The following IGSF11 variants were observed in gnomAD, a reference collection of about 807,000 sequenced individuals.
The protein encoded by IGSF11 is immunoglobulin superfamily member 11, also known as CXADR like 1.
In IGSF11, 22 loss-of-function variants were observed where a neutral mutation model predicts 41.0. The ratio of observed to expected loss-of-function variants is 0.54; its 90% CI spans 0.38 to 0.77. The LOEUF (loss-of-function observed/expected upper bound fraction) is 0.77. IGSF11 is among the 30% of genes least tolerant of loss of function. The pLI, the probability that IGSF11 is intolerant of heterozygous loss-of-function variation, is 0.00. For missense variants in IGSF11, 444 were observed against 530.8 expected (o/e 0.84, Z 1.61); for synonymous variants, 219 against 201.3 (o/e 1.09, Z -0.74).
chr3:119,047,865 A>C (rs1052851760), intron 1 of IGSF11, among the ~76,000 whole-genome samples: 3 of 152,174 alleles, frequency 2.0e-5, no homozygotes, highest in Non-Finnish European at 4.4e-5. Flanking sequence ...GCTCAACTAC[A>C]TGGAAACTGA....
intron 1 of IGSF11, among the ~76,000 whole-genome samples, chr3:118,978,433 C>G (rs898222276): frequency 6.6e-6 from 1 of 152,172 alleles, no homozygotes; most frequent in African/African-American, 2.4e-5. Flanking sequence ...CCACACAGCC[C>G]ACCACCGCCA....
At chr3:118,955,215 T>TACACAC (rs1215323013) in intron 1 of IGSF11, among the ~76,000 whole-genome samples, 1 of 135,060 alleles carries the variant, frequency 7.4e-6, no homozygotes, top group African/African-American at 3.3e-5. Flanking sequence ...TATGTATATG[T>TACACAC]ACATACACAC....
chr3:118,946,396 T>C (rs949479902), intron 1 of IGSF11, among the ~76,000 whole-genome samples: 2 of 151,698 alleles, frequency 1.3e-5, no homozygotes, highest in Admixed American at 1.3e-4. Context: ...TTGCAACCTA[T>C]TTATAGCACT....
intron 1 of IGSF11, among the ~76,000 whole-genome samples, chr3:119,045,466 A>C (rs1032604541): frequency 6.6e-6 from 1 of 152,204 alleles, no homozygotes; most frequent in South Asian, 2.1e-4. Context: ...CCATGAGATT[A>C]TATCCCGCAC....
chr3:118,914,494 C>T (rs1210577828), intron 4 of IGSF11, among the ~76,000 whole-genome samples: 13 of 151,498 alleles, frequency 8.6e-5, no homozygotes, highest in African/African-American at 2.4e-4. Flanking sequence ...AAAGGGGTGA[C>T]GGACGCACCT....
At chr3:118,940,122 A>G (rs548822218) in intron 1 of IGSF11, among the ~76,000 whole-genome samples, 5 of 152,338 alleles carry the variant, frequency 3.3e-5, no homozygotes, top group South Asian at 2.1e-4. Context: ...TTCCTCCTAC[A>G]GTAAGGAACA....
intron 1 of IGSF11, among the ~76,000 whole-genome samples, chr3:119,000,243 C>T (rs946141750): frequency 6.7e-6 from 1 of 150,346 alleles, no homozygotes; most frequent in Non-Finnish European, 1.5e-5. Flanking sequence ...CCTCTTTCCA[C>T]ACTCATATTA....
At chr3:119,063,618 G>A (rs898005657) in intron 1 of IGSF11, among the ~76,000 whole-genome samples, 4 of 152,130 alleles carry the variant, frequency 2.6e-5, no homozygotes, top group Admixed American at 1.3e-4. Context: ...GATAGGGGAC[G>A]TCTTACTTTT....
In IGSF11 at chr3:119,119,524, C is replaced by T. The variant is rs558463300; in HGVS notation, c.-13-14319G>A. On this transcript the variant is annotated intron_variant, in intron 1 of 7. Transcript: ENST00000425327. ...AGATTTGGGTGGGGACACAACCAAA[C>T]GATATCAGGGTTGTCTGTGATATTT... Among the ~76,000 whole-genome samples, 8 of 152,276 alleles carry T rather than the reference C, an allele frequency of 5.3e-5. No individual in the cohort carries two copies. The East Asian group carries it at 9.6e-4, about 18-fold the overall frequency.
intron 1 of IGSF11, among the ~76,000 whole-genome samples, chr3:118,951,063 T>C (rs1944534275): frequency 6.6e-6 from 1 of 152,208 alleles, no homozygotes; most frequent in African/African-American, 2.4e-5. Context: ...TCTGTAATGA[T>C]GAAAATGTCC....
chr3:118,933,607 C>T (rs571070457), intron 1 of IGSF11, among the ~76,000 whole-genome samples: 3 of 151,876 alleles, frequency 2.0e-5, no homozygotes, highest in Non-Finnish European at 2.9e-5. Context: ...AGCTCAAGGT[C>T]GCACAGTCGC....
chr3:118,966,705 A>G (rs1429220656), intron 1 of IGSF11, among the ~76,000 whole-genome samples: 6 of 152,260 alleles, frequency 3.9e-5, no homozygotes, highest in Non-Finnish European at 7.3e-5. Context: ...AATAAAAAGC[A>G]GCCAGATCAC....
intron 1 of IGSF11, among the ~76,000 whole-genome samples, chr3:118,953,133 A>G (rs922326211): frequency 3.9e-5 from 6 of 152,078 alleles, no homozygotes; most frequent in Non-Finnish European, 1.5e-5. Context: ...CCCGCCTGTG[A>G]GTGAGAACAC....
Position 118,905,828 on chromosome 3 carries a change from TTTC to T in IGSF11, c.581-113_581-111del, listed in dbSNP as rs961603080. 5.1e-5 allele frequency: 65 copies of T among 1,281,612 alleles called. No individual in the cohort carries two copies. The African/African-American group carries it at 6.9e-4, about 14-fold the overall frequency. The allele number at this position is 1,281,612 out of a possible 1,614,324, so 79.4% of individuals were successfully genotyped here. A position where few individuals can be genotyped will look rare whatever the true frequency, so the allele number is the denominator to read the frequency against. The stretch of plus-strand genomic sequence containing the variant: ...CGAACACTGGAGAGCTATCAATAAA[TTTC>T]TTTTTTGTGGGGGTAGGGTGAGAAA... On this transcript the variant is annotated intron_variant, in intron 4 of 6. Transcript: ENST00000393775.
chr3:118,917,213 C>T (rs1245740323), intron 4 of IGSF11, among the ~76,000 whole-genome samples: 4 of 144,450 alleles, frequency 2.8e-5, no homozygotes, highest in South Asian at 2.3e-4. Context: ...AAAGCAAGAG[C>T]AAACACATTC....
intron 1 of IGSF11, among the ~76,000 whole-genome samples, chr3:119,058,817 C>G (rs1941951006): frequency 6.6e-6 from 1 of 152,220 alleles, no homozygotes; most frequent in Non-Finnish European, 1.5e-5. Context: ...AGTTCATGTC[C>G]TTTGTAGGGA....
At chr3:119,145,432 A>C (rs1402296295) in intron 1 of IGSF11, among the ~76,000 whole-genome samples, 2 of 152,194 alleles carry the variant, frequency 1.3e-5, no homozygotes, top group African/African-American at 4.8e-5. Context: ...GGCCAACACT[A>C]TCAAATACAA....
chr3:118,909,949 G>A (rs1940066730), intron 4 of IGSF11, among the ~76,000 whole-genome samples: 1 of 152,168 alleles, frequency 6.6e-6, no homozygotes, highest in South Asian at 2.1e-4. Context: ...GAATAATGTA[G>A]TGTGTATAAA....
chr3:119,048,799 A>G (rs867277080), intron 1 of IGSF11, among the ~76,000 whole-genome samples: 18 of 152,068 alleles, frequency 1.2e-4, no homozygotes, highest in Non-Finnish European at 2.2e-4. Flanking sequence ...CTTATCCACC[A>G]TGATCAAGTG....
Sources: gnomAD v4.1 joint callset for allele counts (sites outside exome capture counted in the v4.1 genomes callset) on GRCh38, gnomAD v4.1.1 for gene constraint, MANE v1.5 for transcripts, NCBI Gene and HGNC (gene_info 2026-07-23, HGNC 2026-07-21) for gene names.